RIMS2: variants seen among roughly 807,000 people sequenced by gnomAD.
RIMS2 encodes regulating synaptic membrane exocytosis protein 2.
A neutral mutation model predicts 174.4 loss-of-function variants in RIMS2; 59 were observed. The ratio of observed to expected loss-of-function variants is 0.34; its 90% confidence interval spans 0.27 to 0.42. The LOEUF is 0.42. RIMS2 is among the 10% of genes least tolerant of loss of function. RIMS2 has a pLI of 1.00. For missense variants in RIMS2, 1,620 were observed against 1,666.3 expected (o/e 0.97, Z 0.48); for synonymous variants, 606 against 572.5 (o/e 1.06, Z -0.84).
At chr8:103,638,686 T>G (rs2096150079) in intron 1 of RIMS2, among the ~76,000 whole-genome samples, 1 of 152,038 alleles carries the variant, frequency 6.6e-6, no homozygotes, top group Non-Finnish European at 1.5e-5. Flanking sequence ...CTAGGTTAAC[T>G]TTGTATTTTT....
intron 3 of RIMS2, among the ~76,000 whole-genome samples, chr8:103,852,706 C>A (rs1366597719): frequency 1.3e-5 from 2 of 151,934 alleles, no homozygotes; most frequent in Non-Finnish European, 2.9e-5. Flanking sequence ...TGGCCTCCAG[C>A]TTTATTCATG....
chr8:103,598,444 C>T lies in RIMS2; in HGVS notation c.176+97382C>T, dbSNP rs192700614. Among the ~76,000 whole-genome samples, 13 of 152,168 alleles carry T rather than the reference C, an allele frequency of 8.5e-5. No individual in the cohort carries two copies. In the East Asian group the frequency reaches 1.5e-3, roughly 18 times the overall value. ...ATAAATCCTTATTCATCTTCCTATT[C>T]GTAATCTTACAAAAATGGAATTCAT... On this transcript the variant is annotated intron_variant, in intron 1 of 23. Transcript: ENST00000504942.
intron 19 of RIMS2, among the ~76,000 whole-genome samples, chr8:104,041,802 T>A (rs1228248291): frequency 6.6e-6 from 1 of 151,620 alleles, no homozygotes; most frequent in East Asian, 1.9e-4. Context: ...CCTAATACCC[T>A]AAAAAAGCTA....
rs534744022 is a variant in RIMS2 at position 103,660,705 on chromosome 8, T to C, written c.177-36381T>C. On this transcript the variant is annotated intron_variant, in intron 1 of 23. Coordinates refer to ENST00000504942, the Ensembl canonical transcript of RIMS2. ...GGTCTAACATAGATAATCTTTAATC[T>C]GAATAATGTAAAATTGCCAGAATCT... is the stretch of plus-strand genomic sequence containing the variant. 2.4e-4 allele frequency among the ~76,000 whole-genome samples: 36 copies of C among 152,374 alleles called. 1 individual carries two copies. In the South Asian group the frequency reaches 6.4e-3, roughly 27 times the overall value.
intron 2 of RIMS2, among the ~76,000 whole-genome samples, chr8:103,740,176 A>G (rs1564464925): frequency 6.6e-6 from 1 of 152,210 alleles, no homozygotes; most frequent in Non-Finnish European, 1.5e-5. Context: ...AATAGTCACT[A>G]CTATTAAGAT....
chr8:104,066,422 A>G (rs1490346356), intron 19 of RIMS2, among the ~76,000 whole-genome samples: 5 of 152,032 alleles, frequency 3.3e-5, no homozygotes, highest in African/African-American at 4.8e-5. Flanking sequence ...AAACTTGTCA[A>G]TTGGTGCTAT....
chr8:103,503,527 G>A (rs2130829682), intron 1 of RIMS2, among the ~76,000 whole-genome samples: 1 of 151,798 alleles, frequency 6.6e-6, no homozygotes. Flanking sequence ...ACTATCCTTT[G>A]TTTCTTTTTA....
chr8:103,578,967 A>G (rs993697667), intron 1 of RIMS2, among the ~76,000 whole-genome samples: 5 of 148,290 alleles, frequency 3.4e-5, no homozygotes, highest in African/African-American at 1.0e-4. Context: ...TGCAGCCTGG[A>G]CAACAGAGCA....
intron 2 of RIMS2, among the ~76,000 whole-genome samples, chr8:103,754,987 A>C (rs997926944): frequency 6.6e-6 from 1 of 152,032 alleles, no homozygotes; most frequent in Non-Finnish European, 1.5e-5. Flanking sequence ...CTAGCTGGTT[A>C]TTTTGCCCGT....
At chr8:103,779,809 G>A (rs1368695039) in intron 3 of RIMS2, among the ~76,000 whole-genome samples, 1 of 149,666 alleles carries the variant, frequency 6.7e-6, no homozygotes, top group African/African-American at 2.5e-5. Flanking sequence ...TGTAAATGAC[G>A]AGTTAATGGG....
chr8:104,215,982 A>C (rs1041001780), intron 19 of RIMS2, among the ~76,000 whole-genome samples: 3 of 152,164 alleles, frequency 2.0e-5, no homozygotes, highest in Non-Finnish European at 4.4e-5. Context: ...ACATCCTTCA[A>C]AATGTTTGGT....
chr8:103,622,145 A>G (rs2095649918), intron 1 of RIMS2, among the ~76,000 whole-genome samples: 1 of 152,174 alleles, frequency 6.6e-6, no homozygotes, highest in South Asian at 2.1e-4. Context: ...GAGAAGACAA[A>G]AGTAAATTAT....
chr8:104,241,702 T>C (rs2099297668), intron 19 of RIMS2, among the ~76,000 whole-genome samples: 1 of 152,170 alleles, frequency 6.6e-6, no homozygotes, highest in Non-Finnish European at 1.5e-5. Flanking sequence ...TAAAGCTACA[T>C]GGAGAGACAC....
At chr8:103,780,308 C>T (rs1166121596) in intron 3 of RIMS2, among the ~76,000 whole-genome samples, 1 of 152,136 alleles carries the variant, frequency 6.6e-6, no homozygotes, top group Non-Finnish European at 1.5e-5. Flanking sequence ...GGAAAAATTT[C>T]AACATTATTT....
chr8:103,795,028 A>G (rs931355514), intron 3 of RIMS2, among the ~76,000 whole-genome samples: 2 of 152,178 alleles, frequency 1.3e-5, no homozygotes, highest in East Asian at 1.9e-4. Context: ...TCAGTGTGGC[A>G]ATTCCTCAGG....
At chr8:103,538,837 G>A (rs950533766) in intron 1 of RIMS2, among the ~76,000 whole-genome samples, 7 of 152,150 alleles carry the variant, frequency 4.6e-5, no homozygotes, top group South Asian at 4.1e-4. Context: ...ATGGCTTTGC[G>A]TCCTCATAGC....
chr8:103,802,247 A>G (rs1297714453), intron 3 of RIMS2, among the ~76,000 whole-genome samples: 1 of 152,174 alleles, frequency 6.6e-6, no homozygotes, highest in African/African-American at 2.4e-5. Flanking sequence ...CATAAAATTT[A>G]ATAAATTGTA....
chr8:103,732,635 G>A (rs2097618297), intron 2 of RIMS2, among the ~76,000 whole-genome samples: 1 of 152,080 alleles, frequency 6.6e-6, no homozygotes, highest in South Asian at 2.1e-4. Context: ...TTGTACTACT[G>A]CAGCTGAGCT....
At chr8:103,572,073 T>C (rs1448027114) in intron 1 of RIMS2, among the ~76,000 whole-genome samples, 1 of 152,266 alleles carries the variant, frequency 6.6e-6, no homozygotes, top group East Asian at 1.9e-4. Flanking sequence ...TTAAAGATGG[T>C]GTGTCAGGAG....
Sources: allele counts gnomAD v4.1 joint callset (sites outside exome capture counted in the v4.1 genomes callset), GRCh38; gene constraint gnomAD v4.1.1; transcripts MANE v1.5; gene names NCBI Gene and HGNC (gene_info 2026-07-23, HGNC 2026-07-21).